TIGD1: variants seen among roughly 807,000 people sequenced by gnomAD.
The protein encoded by TIGD1 is tigger transposable element derived 1.
A neutral mutation model predicts 21.3 loss-of-function variants in TIGD1; 20 were observed. That is an observed-to-expected ratio of 0.94 (90% CI 0.66 to 1.36). The LOEUF (loss-of-function observed/expected upper bound fraction) is 1.36. Among genes scored for constraint, TIGD1 ranks in the 40% most tolerant of loss-of-function variants. TIGD1 has a pLI of 0.00. For missense variants in TIGD1, 556 were observed against 350.5 expected, an observed-to-expected ratio of 1.59 and a Z score of -4.68; for synonymous variants, 177 against 123.2, an observed-to-expected ratio of 1.44 and a Z score of -2.89.
rs1179040090 is a variant in TIGD1, at chr2:232,548,896, G to C, written c.987C>G (p.Ser329=). Residue 329 remains serine (S), a synonymous_variant, in exon 1 of 1, where the codon TCC becomes TCG. Coordinates refer to ENST00000408957, the MANE Select transcript of TIGD1 (RefSeq NM_145702.4). The part of the protein sequence containing the change: ...NVIFMPANTT[S]ILQPMDQGVI... ...CCCCTTGATCCATGGGCTGCAGAAT[G>C]GATGTTGTGTTAGCAGGCATGAAAA... 2 of 655,316 alleles carry C rather than the reference G, an allele frequency of 3.1e-6. No homozygotes were observed. The highest frequency in any genetic ancestry group is 5.9e-5 in the East Asian group (2 of 33,840). The allele number at this position is 655,316 out of a possible 1,614,324, so 40.6% of individuals were successfully genotyped here.
rs1252622650 is a variant in TIGD1, at chr2:232,549,671, A to T, written c.212T>A (p.Met71Lys). ...VKSATPMNTR[M>K]IRKRNSLIAD... ...AATAAGGCTGTTTCGCTTTCTTATC[A>T]TTCGTGTGTTCATTGGAGTAGCACT... The change falls in exon 1 of 1, where the codon ATG (methionine) becomes AAG (lysine). Residue 71 changes from methionine (M) to lysine (K), a missense_variant. Transcript: ENST00000408957. 2.7e-6 allele frequency: 2 copies of T among 730,640 alleles called. No homozygotes were observed. The highest frequency in any genetic ancestry group is 3.0e-5 in the South Asian group (2 of 67,614). 45.3% of individuals were successfully genotyped at this position (730,640 alleles called of 1,614,324 possible).
Position 232,548,229 on chromosome 2 carries a change from T to C in TIGD1, c.1654A>G (p.Arg552Gly). 1 of 1,543,412 alleles carries C rather than the reference T, an allele frequency of 6.5e-7. No individual in the cohort carries two copies. Among genetic ancestry groups the C allele is most frequent in the Admixed American group, 2.0e-5 (1 of 50,752 alleles). Residue 552 changes from arginine (R) to glycine (G), a missense_variant, in exon 1 of 1, where the codon AGG becomes GGG. Arg to Gly is a moderately radical substitution (Grantham distance 125, BLOSUM62 -2). Coordinates refer to ENST00000408957, the MANE Select transcript of TIGD1 (RefSeq NM_145702.4). ...GGTTGGGGTGGCTGTGGCAATTTCC[T>C]AAAATAAGACATCGGTGAAGCTTTT... ...MRKASPMSYF[R>G]KLPQPPQPSA...
At position 232,547,924 on chromosome 2, in the gene TIGD1, T is replaced by C. The variant is rs917309215; in HGVS notation, c.*183A>G. The C allele has an allele frequency of 4.5e-6, 2 of 442,670 alleles. No individual in the cohort carries two copies. Among genetic ancestry groups the C allele is most frequent in the Non-Finnish European group, 7.9e-6 (2 of 253,768 alleles). The allele number at this position is 442,670 out of a possible 1,614,324, so 27.4% of individuals were successfully genotyped here. On this transcript the variant is annotated 3_prime_UTR_variant, in exon 1 of 1. Coordinates refer to ENST00000408957, the MANE Select transcript of TIGD1 (RefSeq NM_145702.4). ...TAGGTCGAGGCATACCTCAAAGACA[T>C]TGCAGGTTCAGTTCCAGACCAACAC...
Position 232,548,892 on chromosome 2 carries a change from G to C in TIGD1, c.991C>G (p.Leu331Val). 1 of 653,324 alleles carries C rather than the reference G, an allele frequency of 1.5e-6. No homozygotes were observed. Among genetic ancestry groups the C allele is most frequent in the Non-Finnish European group, 2.8e-6 (1 of 358,488 alleles). The allele number at this position is 653,324 out of a possible 1,614,324, so 40.5% of individuals were successfully genotyped here. The change falls in exon 1 of 1, where the codon CTG becomes GTG. Residue 331 changes from leucine (L) to valine (V), a missense_variant. By Grantham distance (32) the Leu-to-Val change is conservative (BLOSUM62 1). Coordinates refer to ENST00000408957, the MANE Select transcript of TIGD1 (RefSeq NM_145702.4). ...ATTACCCCTTGATCCATGGGCTGCAGAATGGATGTTGTGTTAGCAGGCATG... is the reference window on the plus strand; with the variant it reads ...ATTACCCCTTGATCCATGGGCTGCACAATGGATGTTGTGTTAGCAGGCATG... ...IFMPANTTSILQPMDQGVIST... is the reference protein window; with the variant it reads ...IFMPANTTSIVQPMDQGVIST...
In TIGD1 at chr2:232,548,932, C is replaced by A; in HGVS notation, c.951G>T (p.Glu317Asp). ...TAGCAGGCATGAAAATAACATTAATCTCCTCGTATATCTCCATCAGAGCTC... is the reference window on the plus strand; with the variant it reads ...TAGCAGGCATGAAAATAACATTAATATCCTCGTATATCTCCATCAGAGCTC... ...HPRALMEIYE[E>D]INVIFMPANT... Residue 317 changes from glutamate to aspartate, a missense_variant, in exon 1 of 1, where the codon GAG (glutamate) becomes GAT (aspartate). By Grantham distance (45) the Glu-to-Asp change is conservative. Transcript: ENST00000408957. 1.5e-6 allele frequency: 1 copy of A among 676,986 alleles called. No individual in the cohort carries two copies. The highest frequency in any genetic ancestry group is 1.5e-5 in the South Asian group (1 of 65,678). 41.9% of individuals were successfully genotyped at this position (676,986 alleles called of 1,614,324 possible).
At position 232,548,697 on chromosome 2, in the gene TIGD1, A is replaced by G. The variant is rs1185114758; in HGVS notation, c.1186T>C (p.Leu396=). ...NIRDSWEEVK[L]STLTGVWKKL... ...TTCCAAACTCCTGTTAATGTTGACA[A>G]TTTGACCTCCTCCCATGAATCACGA... Residue 396 remains leucine (L), a synonymous_variant, in exon 1 of 1, where the codon TTG becomes CTG. Coordinates refer to ENST00000408957, the MANE Select transcript of TIGD1 (RefSeq NM_145702.4). 2.1e-6 allele frequency: 1 copy of G among 486,418 alleles called. No individual in the cohort carries two copies. The allele number at this position is 486,418 out of a possible 1,614,324, so 30.1% of individuals were successfully genotyped here.
In TIGD1 at chr2:232,549,651, G is replaced by A. The variant is rs1375453559; in HGVS notation, c.232C>T (p.Leu78Phe). 5 of 716,388 alleles carry A rather than the reference G, an allele frequency of 7.0e-6. No homozygotes were observed. In the South Asian group the frequency reaches 7.4e-5, roughly 11 times the overall value. 44.4% of individuals were successfully genotyped at this position (716,388 alleles called of 1,614,324 possible). A position where few individuals can be genotyped will look rare whatever the true frequency, so the allele number is the denominator to read the frequency against. The stretch of plus-strand genomic sequence containing the variant: ...AAAACCTTCTCCATATCAGCAATAA[G>A]GCTGTTTCGCTTTCTTATCATTCGT... ...NTRMIRKRNS[L>F]IADMEKVLVV... The change falls in exon 1 of 1, where the codon CTT becomes TTT. Residue 78 changes from leucine to phenylalanine, a missense_variant. Physicochemically the swap from Leu to Phe is conservative, Grantham distance 22. Coordinates refer to ENST00000408957, the MANE Select transcript of TIGD1 (RefSeq NM_145702.4).
rs1285168263 is a variant in TIGD1, at chr2:232,545,385, G to A, written c.*2722C>T. ...GGCAGGGGGGGCACCTCAGGGCCAG[G>A]GGGCCATGGAATTAGCCACCAGTTG... On this transcript the variant is annotated 3_prime_UTR_variant, in exon 1 of 1. Transcript: ENST00000408957. 6.6e-6 allele frequency among the ~76,000 whole-genome samples: 1 copy of A among 152,054 alleles called. No homozygotes were observed. The highest frequency in any genetic ancestry group is 6.5e-5 in the Admixed American group (1 of 15,276).
Position 232,550,014 on chromosome 2 carries a change from G to T in TIGD1, c.-132C>A. Reference sequence around the variant, plus strand: ...GAACACACACAACATTAAGTTCCACGTCTTATAAAAGACGCTGTATGTGGC... The same window carrying T: ...GAACACACACAACATTAAGTTCCACTTCTTATAAAAGACGCTGTATGTGGC... On this transcript the variant is annotated 5_prime_UTR_variant, in exon 1 of 1. Coordinates refer to ENST00000408957, the MANE Select transcript of TIGD1 (RefSeq NM_145702.4). The T allele has an allele frequency of 1.9e-6, 1 of 527,538 alleles. No individual in the cohort carries two copies. The highest frequency in any genetic ancestry group is 1.9e-5 in the African/African-American group (1 of 51,360). 32.7% of individuals were successfully genotyped at this position (527,538 alleles called of 1,614,324 possible). A position where few individuals can be genotyped will look rare whatever the true frequency, so the allele number is the denominator to read the frequency against.
Position 232,550,551 on chromosome 2 carries a change from C to A in TIGD1, c.-669G>T, listed in dbSNP as rs557198089. ...AGCCAGCTCCGCCGCTGAGTCCAGCCCTCTGCGCAGCCGCCCTGAGCTGGC... is the reference window on the plus strand; with the variant it reads ...AGCCAGCTCCGCCGCTGAGTCCAGCACTCTGCGCAGCCGCCCTGAGCTGGC... On this transcript the variant is annotated 5_prime_UTR_variant, in exon 1 of 1. Transcript: ENST00000408957. 2.4e-6 allele frequency: 2 copies of A among 822,388 alleles called. No homozygotes were observed. The highest frequency in any genetic ancestry group is 4.0e-6 in the Non-Finnish European group (2 of 502,222). 50.9% of individuals were successfully genotyped at this position (822,388 alleles called of 1,614,324 possible). A position where few individuals can be genotyped will look rare whatever the true frequency, so the allele number is the denominator to read the frequency against.
At position 232,549,637 on chromosome 2, in the gene TIGD1, C is replaced by T. The variant is rs1559308756; in HGVS notation, c.246G>A (p.Met82Ile). 3 of 710,244 alleles carry T rather than the reference C, an allele frequency of 4.2e-6. No homozygotes were observed. Among genetic ancestry groups the T allele is most frequent in the East Asian group, 2.7e-5 (1 of 37,300 alleles). The allele number at this position is 710,244 out of a possible 1,614,324, so 44.0% of individuals were successfully genotyped here. A position where few individuals can be genotyped will look rare whatever the true frequency, so the allele number is the denominator to read the frequency against. The change falls in exon 1 of 1, where the codon ATG becomes ATA. Residue 82 changes from methionine to isoleucine, a missense_variant. Met to Ile is a conservative substitution (Grantham distance 10, BLOSUM62 1). Coordinates refer to ENST00000408957, the MANE Select transcript of TIGD1 (RefSeq NM_145702.4). ...CTATCCAGACCACTAAAACCTTCTCCATATCAGCAATAAGGCTGTTTCGCT... is the reference window on the plus strand; with the variant it reads ...CTATCCAGACCACTAAAACCTTCTCTATATCAGCAATAAGGCTGTTTCGCT... ...IRKRNSLIAD[M>I]EKVLVVWIED...
rs572750093 is a variant in TIGD1, at chr2:232,547,332, C to T, written c.*775G>A. Reference sequence around the variant, plus strand: ...ACTCGGGAGGCTGAGGTGGGAGGATCGCTTGAGCCCAGGAGGTCTAGGCTG... The same window carrying T: ...ACTCGGGAGGCTGAGGTGGGAGGATTGCTTGAGCCCAGGAGGTCTAGGCTG... On this transcript the variant is annotated 3_prime_UTR_variant, in exon 1 of 1. Transcript: ENST00000408957. Among the ~76,000 whole-genome samples, 3 of 152,194 alleles carry T rather than the reference C, an allele frequency of 2.0e-5. No individual in the cohort carries two copies. The highest frequency in any genetic ancestry group is 1.9e-4 in the East Asian group (1 of 5,172).
Position 232,545,830 on chromosome 2 carries a change from GGACTGTGTGA to G in TIGD1, c.*2267_*2276del. ...TGTGCTCTTTGGGAAGTGCCCTTCA[GGACTGTGTGA>G]GCCAAACAGCCCTGAGAAAAGCTGG... On this transcript the variant is annotated 3_prime_UTR_variant, in exon 1 of 1. Transcript: ENST00000408957. 2 of 1,235,836 alleles carry G rather than the reference GGACTGTGTGA, an allele frequency of 1.6e-6. No individual in the cohort carries two copies. Among genetic ancestry groups the G allele is most frequent in the South Asian group, 2.4e-5 (2 of 81,992 alleles). The allele number at this position is 1,235,836 out of a possible 1,614,324, so 76.6% of individuals were successfully genotyped here.
chr2:232,549,147 C>T lies in TIGD1; in HGVS notation c.736G>A (p.Ala246Thr), dbSNP rs940871102. The T allele has an allele frequency of 1.1e-5, 8 of 715,006 alleles. No homozygotes were observed. The African/African-American group carries it at 1.4e-4, about 13-fold the overall frequency. 44.3% of individuals were successfully genotyped at this position (715,006 alleles called of 1,614,324 possible). A position where few individuals can be genotyped will look rare whatever the true frequency, so the allele number is the denominator to read the frequency against. The change falls in exon 1 of 1, where the codon GCC becomes ACC. Residue 246 changes from alanine to threonine, a missense_variant. By Grantham distance (58) the Ala-to-Thr change is moderately conservative. Transcript: ENST00000408957. Reference protein sequence around the residue: ...MLIYHSENPRALKNYTKSTLP... With the variant: ...MLIYHSENPRTLKNYTKSTLP... The stretch of plus-strand genomic sequence containing the variant: ...GTAGATTTAGTATAATTCTTAAGGG[C>T]CCTAGGATTTTCAGAATGGTAAATA...
At position 232,544,355 on chromosome 2, in the gene TIGD1, C is replaced by G. The variant is rs769284436; in HGVS notation, c.*3752G>C. On this transcript the variant is annotated 3_prime_UTR_variant, in exon 1 of 1. Transcript: ENST00000408957. ...TCGGCCTGCTGCCCTAGTGAAGCCA[C>G]CCCCTCTCTAGGTGTTCCTGAGGCT... is the stretch of plus-strand genomic sequence containing the variant. 2 of 1,606,010 alleles carry G rather than the reference C, an allele frequency of 1.2e-6. No homozygotes were observed. The highest frequency in any genetic ancestry group is 1.1e-5 in the South Asian group (1 of 90,962).
rs748637039 is a variant in TIGD1, at chr2:232,549,753, G to C, written c.130C>G (p.Arg44Gly). The C allele has an allele frequency of 7.3e-7, 1 of 1,367,730 alleles. No homozygotes were observed. The highest frequency in any genetic ancestry group is 1.2e-5 in the South Asian group (1 of 80,144). The allele number at this position is 1,367,730 out of a possible 1,614,324, so 84.7% of individuals were successfully genotyped here. A position where few individuals can be genotyped will look rare whatever the true frequency, so the allele number is the denominator to read the frequency against. The change falls in exon 1 of 1, where the codon CGG (arginine) becomes GGG (glycine). Residue 44 changes from arginine to glycine, a missense_variant. Physicochemically the swap from Arg to Gly is moderately radical, Grantham distance 125. Transcript: ENST00000408957. ...TTTACAACTTGGCTAACTGTTTGCC[G>C]CAGGAGGCCTAGCCTTCGGCCTATC... Reference protein sequence around the residue: ...AEIGRRLGLLRQTVSQVVNAK... With the variant: ...AEIGRRLGLLGQTVSQVVNAK...
At position 232,548,762 on chromosome 2, in the gene TIGD1, A is replaced by G; in HGVS notation, c.1121T>C (p.Phe374Ser). 1.9e-6 allele frequency: 1 copy of G among 524,730 alleles called. No homozygotes were observed. The highest frequency in any genetic ancestry group is 2.3e-5 in the Admixed American group (1 of 44,264). 32.5% of individuals were successfully genotyped at this position (524,730 alleles called of 1,614,324 possible). A position where few individuals can be genotyped will look rare whatever the true frequency, so the allele number is the denominator to read the frequency against. ...ATCTAAAATGGTGAATCCTTTCCAG[A>G]AGGTTTTCAATTTGCTTTGCCCAGA... ...DGSGQSKLKT[F>S]WKGFTILDAI... Residue 374 changes from phenylalanine (F) to serine (S), a missense_variant, in exon 1 of 1, where the codon TTC becomes TCC. Coordinates refer to ENST00000408957, the MANE Select transcript of TIGD1 (RefSeq NM_145702.4).
rs1248881277 is a variant in TIGD1, at chr2:232,549,849, G to A, written c.34C>T (p.Arg12Cys). Residue 12 changes from arginine to cysteine, a missense_variant, in exon 1 of 1, where the codon CGC (arginine) becomes TGC (cysteine). Coordinates refer to ENST00000408957, the MANE Select transcript of TIGD1 (RefSeq NM_145702.4). ...TTTTGATTTAAAGTGAGAGATGTGC[G>A]ACTCTTCCTTTCACTTGAGCACTTA... ...ASKCSSERKS[R>C]TSLTLNQKLE... 12 of 1,527,536 alleles carry A rather than the reference G, an allele frequency of 7.9e-6. No homozygotes were observed. The highest frequency in any genetic ancestry group is 4.9e-5 in the East Asian group (2 of 40,712). 94.6% of individuals were successfully genotyped at this position (1,527,536 alleles called of 1,614,324 possible).
rs763583344 is a variant in TIGD1 at position 232,549,033 on chromosome 2, C to T, written c.850G>A (p.Val284Ile). Residue 284 changes from valine to isoleucine, a missense_variant, in exon 1 of 1, where the codon GTT (valine) becomes ATT (isoleucine). Coordinates refer to ENST00000408957, the MANE Select transcript of TIGD1 (RefSeq NM_145702.4). ...TTCTTTTCTGAGCAGTAGGTCTCAA[C>T]AGTGGGTTTAAAATATTCAGTAAAC... ...AWFTEYFKPT[V>I]ETYCSEKKIP... 1 of 708,496 alleles carries T rather than the reference C, an allele frequency of 1.4e-6. No individual in the cohort carries two copies. The highest frequency in any genetic ancestry group is 1.5e-5 in the South Asian group (1 of 64,964). 43.9% of individuals were successfully genotyped at this position (708,496 alleles called of 1,614,324 possible). A position where few individuals can be genotyped will look rare whatever the true frequency, so the allele number is the denominator to read the frequency against.
Sources: gnomAD v4.1 joint callset for allele counts (sites outside exome capture counted in the v4.1 genomes callset) on GRCh38, gnomAD v4.1.1 for gene constraint, MANE v1.5 for transcripts, NCBI Gene and HGNC (gene_info 2026-07-23, HGNC 2026-07-21) for gene names.